ACSL1: variants seen among roughly 807,000 people sequenced by gnomAD.
ACSL1 encodes acyl-CoA synthetase long chain family member 1.
Under a neutral mutation model 98.4 loss-of-function variants are expected in ACSL1, and 41 were observed. The ratio of observed to expected loss-of-function variants is 0.42; its 90% CI spans 0.32 to 0.54. The LOEUF is 0.54. ACSL1 is among the 20% of genes least tolerant of loss of function. The pLI is 0.13. For missense variants in ACSL1, 734 were observed against 883.1 expected (o/e 0.83, Z 2.14); for synonymous variants, 316 against 322.7 (o/e 0.98, Z 0.22).
At position 184,825,356 on chromosome 4, in the gene ACSL1, G is replaced by A. The variant is rs1365188449; in HGVS notation, c.-33+560C>T. 3.5e-6 allele frequency: 2 copies of A among 575,462 alleles called. No individual in the cohort carries two copies. The highest frequency in any genetic ancestry group is 7.6e-5 in the South Asian group (1 of 13,162). The allele number at this position is 575,462 out of a possible 1,614,324, so 35.6% of individuals were successfully genotyped here. A position where few individuals can be genotyped will look rare whatever the true frequency, so the allele number is the denominator to read the frequency against. On this transcript the variant is annotated intron_variant, in intron 1 of 20. Coordinates refer to ENST00000281455, the MANE Select transcript of ACSL1 (RefSeq NM_001995.5). This position sits in a 1 kb window ranked among gnomAD's most constrained non-coding sequence, Gnocchi z 4.7. ...CCACGGGCACTCCTCTGGAGTCACC[G>A]AGAGAATGTCTGCCTCTGGCAGCGG...
chr4:184,813,155 G>A (rs886602309), intron 1 of ACSL1, among the ~76,000 whole-genome samples: 7 of 152,154 alleles, frequency 4.6e-5, no homozygotes. Flanking sequence ...GCCCCATGAC[G>A]ATATCCAGGT....
intron 12 of ACSL1, chr4:184,767,962 C>A (rs1763880524): frequency 1.3e-5 from 5 of 383,542 alleles, no homozygotes; most frequent in Non-Finnish European, 2.3e-5. Flanking sequence ...TTACGTGATC[C>A]CATTAGCAAC....
rs1324777292 is a variant in ACSL1 at position 184,760,476 on chromosome 4, G to A, written c.1663C>T (p.Arg555Trp). ...GCCAGCTTAAATATGTGCTTTTTCC[G>A]GTCGATAATTTTCAAGGTGCCATTC... ...LPNGTLKIIDRKKHIFKLAQG... is the reference protein window; with the variant it reads ...LPNGTLKIIDWKKHIFKLAQG... The change falls in exon 18 of 21, where the codon CGG (arginine) becomes TGG (tryptophan). Residue 555 changes from arginine to tryptophan, a missense_variant. Transcript: ENST00000281455. The A allele has an allele frequency of 3.7e-6, 6 of 1,613,886 alleles. No homozygotes were observed. The highest frequency in any genetic ancestry group is 1.6e-4 in the Middle Eastern group (1 of 6,084).
rs1579843563 is a variant in ACSL1, at chr4:184,766,349, C to A, written c.1263+273G>T. On this transcript the variant is annotated intron_variant, in intron 13 of 20. Transcript: ENST00000281455. The surrounding 1 kb of genome is among the most constrained non-coding windows in gnomAD (Gnocchi z 4.8). ...TTGAAAAATTACCTCAAGAGTGACA[C>A]GCTTGTTCCGGAAAAACGCAACAAA... Among the ~76,000 whole-genome samples, 1 of 152,282 alleles carries A rather than the reference C, an allele frequency of 6.6e-6. No homozygotes were observed. The highest frequency in any genetic ancestry group is 2.1e-4 in the South Asian group (1 of 4,828).
Position 184,773,064 on chromosome 4 carries a change from A to G in ACSL1, c.915+17T>C. 1 of 1,610,558 alleles carries G rather than the reference A, an allele frequency of 6.2e-7. No homozygotes were observed. The highest frequency in any genetic ancestry group is 1.1e-5 in the South Asian group (1 of 91,012). ...TGTCAATCAATGAGGAAAGATGACG[A>G]CATCCCAAAAAGTTACCTCTGTTGC... On this transcript the variant is annotated intron_variant, in intron 10 of 20. Coordinates refer to ENST00000281455, the MANE Select transcript of ACSL1 (RefSeq NM_001995.5). The surrounding 1 kb of genome is among the most constrained non-coding windows in gnomAD (Gnocchi z 4.3).
chr4:184,762,995 C>T (rs527810272), intron 16 of ACSL1, among the ~76,000 whole-genome samples, 172 bp downstream of exon 16: 181 of 152,272 alleles, frequency 1.2e-3, no homozygotes, highest in South Asian at 3.7e-3. Flanking sequence ...GCCCACTCCC[C>T]GAGAGCTGAA....
intron 5 of ACSL1, among the ~76,000 whole-genome samples, chr4:184,777,795 G>T (rs939135911): frequency 2.0e-5 from 3 of 151,222 alleles, no homozygotes; most frequent in Admixed American, 2.0e-4. Context: ...GAGAGAGAGA[G>T]ACAGAGACAG....
At chr4:184,761,212 G>C (rs188177294) in intron 17 of ACSL1, among the ~76,000 whole-genome samples, 7 of 152,322 alleles carry the variant, frequency 4.6e-5, no homozygotes, top group Admixed American at 4.6e-4. Context: ...GGTCCAGAGA[G>C]ACTATGGGAT....
intron 16 of ACSL1, 64 bp downstream of exon 16, chr4:184,763,103 T>A: frequency 6.5e-7 from 1 of 1,549,488 alleles, no homozygotes; most frequent in Non-Finnish European, 8.8e-7. Context: ...TACCACAGCA[T>A]TCGCAAAGGC....
At chr4:184,776,276 G>A (rs1765271390) in intron 7 of ACSL1, among the ~76,000 whole-genome samples, 1 of 152,226 alleles carries the variant, frequency 6.6e-6, no homozygotes, top group African/African-American at 2.4e-5. Flanking sequence ...AAGCACTTGG[G>A]TAAGGTGTGA....
intron 3 of ACSL1, among the ~76,000 whole-genome samples, chr4:184,785,122 G>T (rs1237480124): frequency 6.6e-6 from 1 of 152,232 alleles, no homozygotes; most frequent in Non-Finnish European, 1.5e-5. Flanking sequence ...TTTGTTCTGT[G>T]TGAGGCTGCA....
intron 1 of ACSL1, among the ~76,000 whole-genome samples, chr4:184,814,392 A>C (rs1215591850): frequency 6.6e-6 from 1 of 152,072 alleles, no homozygotes; most frequent in Non-Finnish European, 1.5e-5. Context: ...ATGTAAGAGA[A>C]GGGAAAAGAT....
intron 2 of ACSL1, among the ~76,000 whole-genome samples, chr4:184,789,394 C>T (rs965541631): frequency 6.6e-6 from 1 of 152,178 alleles, no homozygotes; most frequent in African/African-American, 2.4e-5. Context: ...GAAATGAAAC[C>T]CCATTTGGTT....
At position 184,758,053 on chromosome 4, in the gene ACSL1, A is replaced by AC. The variant is rs79082645; in HGVS notation, c.1783-134dup. On this transcript the variant is annotated intron_variant, in intron 18 of 20. Coordinates refer to ENST00000281455, the MANE Select transcript of ACSL1 (RefSeq NM_001995.5). ...ATGGCTCATCTATTCAGAACATACTACCCCCCTCCCCCAGGAGTTCACTCA... is the reference window on the plus strand; with the variant it reads ...ATGGCTCATCTATTCAGAACATACTACCCCCCCTCCCCCAGGAGTTCACTCA... The AC allele has an allele frequency of 3.0e-3, 2,378 of 790,674 alleles. 78 individuals are homozygous for AC. The East Asian group carries it at 0.056, about 19-fold the overall frequency. 49.0% of individuals were successfully genotyped at this position (790,674 alleles called of 1,614,324 possible).
At chr4:184,794,511 G>A (rs954244159) in intron 2 of ACSL1, among the ~76,000 whole-genome samples, 4 of 152,184 alleles carry the variant, frequency 2.6e-5, no homozygotes, top group Non-Finnish European at 5.9e-5. Flanking sequence ...GAGCACAGAA[G>A]GGCAGAACTA....
Position 184,764,854 on chromosome 4 carries a change from T to C in ACSL1, c.1431A>G (p.Ala477=), listed in dbSNP as rs549916725. ...CCLTMPGDWT[A]GHVGAPMPCN... is the part of the protein sequence containing the mutation. The stretch of plus-strand genomic sequence containing the variant: ...AAAAGGAGCCTCCTACAGCCATACC[T>C]GCGGTCCAGTCTCCAGGCATGGTCA... Residue 477 remains alanine (A), a splice_region_variant and synonymous_variant, in exon 15 of 21, where the codon GCA becomes GCG. Transcript: ENST00000281455. 2 of 1,613,452 alleles carry C rather than the reference T, an allele frequency of 1.2e-6. No homozygotes were observed. Among genetic ancestry groups the C allele is most frequent in the Non-Finnish European group, 1.7e-6 (2 of 1,179,698 alleles).
rs1394956545 is a variant in ACSL1 at position 184,779,337 on chromosome 4, C to T, written c.477+995G>A. Among the ~76,000 whole-genome samples, 13 of 152,200 alleles carry T rather than the reference C, an allele frequency of 8.5e-5. No individual in the cohort carries two copies. In the East Asian group the frequency reaches 1.4e-3, roughly 16 times the overall value. The stretch of plus-strand genomic sequence containing the variant: ...TTGCTTCTTCCGCATTTTCTCTTGC[C>T]GCCACCATGTAAGAAGTGCCTTTCA... On this transcript the variant is annotated intron_variant, in intron 5 of 20. Coordinates refer to ENST00000281455, the MANE Select transcript of ACSL1 (RefSeq NM_001995.5).
chr4:184,787,808 G>A (rs1338764343), intron 3 of ACSL1, among the ~76,000 whole-genome samples: 2 of 150,990 alleles, frequency 1.3e-5, no homozygotes, highest in Non-Finnish European at 2.9e-5. Context: ...AGGCTGCGGT[G>A]AGCCAAGATC....
At chr4:184,809,885 G>A (rs1308676862) in intron 1 of ACSL1, among the ~76,000 whole-genome samples, 1 of 152,200 alleles carries the variant, frequency 6.6e-6, no homozygotes, top group African/African-American at 2.4e-5. Flanking sequence ...AACAGGGTTT[G>A]GGGCATCTCT....
Sources: allele counts gnomAD v4.1 joint callset (sites outside exome capture counted in the v4.1 genomes callset), GRCh38; gene constraint gnomAD v4.1.1; non-coding constraint Gnocchi (gnomAD v3.1); transcripts MANE v1.5; gene names NCBI Gene and HGNC (gene_info 2026-07-23, HGNC 2026-07-21).